The following MAPK8 variants were observed in gnomAD, a reference collection of about 807,000 sequenced individuals.
The protein encoded by MAPK8 is mitogen-activated protein kinase 8.
MAPK8 carries 13 observed loss-of-function variants against 52.9 expected under a neutral mutation model. The ratio of observed to expected loss-of-function variants is 0.25; its 90% CI spans 0.16 to 0.39. MAPK8 has a LOEUF of 0.39. Among genes scored for constraint, MAPK8 ranks in the 10% least tolerant of loss-of-function variants. MAPK8 has a pLI of 1.00. For synonymous variants in MAPK8, 191 were observed against 169.8 expected, an observed-to-expected ratio of 1.12 and a Z score of -0.97; for missense variants, 300 against 519.2, an observed-to-expected ratio of 0.58 and a Z score of 4.10.
rs73293183 is a variant in MAPK8, at chr10:48,328,556, T to A, written c.-50+21735T>A. The stretch of plus-strand genomic sequence containing the variant: ...ATCTTGCCTTAACCTGGGACACTCC[T>A]TTTCTTTAGGAAGTTGGCTTCAGTC... On this transcript the variant is annotated intron_variant, in intron 1 of 11. Coordinates refer to ENST00000374189, the MANE Select transcript of MAPK8 (RefSeq NM_001323329.2). Among the ~76,000 whole-genome samples the A allele has an allele frequency of 4.1e-3, 626 of 152,334 alleles. 6 individuals carry two copies. Among genetic ancestry groups the A allele is most frequent in the East Asian group, 0.017 (90 of 5,186 alleles).
chr10:48,359,513 A>G (rs547351270), intron 1 of MAPK8, among the ~76,000 whole-genome samples: 198 of 152,158 alleles, frequency 1.3e-3, no homozygotes, highest in Non-Finnish European at 2.4e-3. Context: ...GCCCTATCAG[A>G]TATCGATATA....
intron 1 of MAPK8, among the ~76,000 whole-genome samples, chr10:48,375,588 C>T (rs1352653609): frequency 6.6e-6 from 1 of 152,160 alleles, no homozygotes; most frequent in Admixed American, 6.5e-5. Flanking sequence ...TCCTATACAT[C>T]AATAACAGAC....
At chr10:48,426,671 C>A (rs185879201) in intron 9 of MAPK8, 167 bp downstream of exon 9, 1 of 649,536 alleles carries the variant, frequency 1.5e-6, no homozygotes, top group African/African-American at 1.9e-5. Context: ...TGAACATATT[C>A]GAGCCCCTCC....
chr10:48,330,099 G>A (rs530877489), intron 1 of MAPK8, among the ~76,000 whole-genome samples: 1 of 152,190 alleles, frequency 6.6e-6, no homozygotes, highest in South Asian at 2.1e-4. Context: ...TAATTTGTAA[G>A]GATACAAAAA....
intron 1 of MAPK8, among the ~76,000 whole-genome samples, chr10:48,363,170 C>T (rs953112183): frequency 1.3e-5 from 2 of 152,204 alleles, no homozygotes; most frequent in Non-Finnish European, 2.9e-5. Context: ...GCCTCAGCCT[C>T]CTGAGTACTG....
chr10:48,342,114 C>T (rs895540357), intron 1 of MAPK8, among the ~76,000 whole-genome samples: 1 of 152,168 alleles, frequency 6.6e-6, no homozygotes, highest in Non-Finnish European at 1.5e-5. Flanking sequence ...TTCATTCATT[C>T]ATTTATTTAT....
At chr10:48,416,628 A>G (rs907224448) in intron 5 of MAPK8, among the ~76,000 whole-genome samples, 2 of 152,176 alleles carry the variant, frequency 1.3e-5, no homozygotes, top group African/African-American at 2.4e-5. Flanking sequence ...TCCCCTGCCA[A>G]ATACCATAGA....
chr10:48,426,559 A>G, intron 9 of MAPK8, 55 bp downstream of exon 9: 1 of 1,522,916 alleles, frequency 6.6e-7, no homozygotes, highest in Non-Finnish European at 8.9e-7. Context: ...AGTTAGAATG[A>G]CAGTTAGGTT....
intron 1 of MAPK8, among the ~76,000 whole-genome samples, chr10:48,372,817 T>C (rs187124514): frequency 6.6e-6 from 1 of 152,152 alleles, no homozygotes; most frequent in Non-Finnish European, 1.5e-5. Flanking sequence ...TTCAGGATAT[T>C]ATCCAGGAGA....
intron 1 of MAPK8, among the ~76,000 whole-genome samples, chr10:48,368,109 AG>A (rs1358176819): frequency 1.3e-5 from 2 of 152,262 alleles, no homozygotes; most frequent in East Asian, 1.9e-4. Flanking sequence ...GGAAATAAAA[AG>A]TAATTTATCA....
chr10:48,333,792 G>A (rs543302565), intron 1 of MAPK8, among the ~76,000 whole-genome samples: 22 of 138,594 alleles, frequency 1.6e-4, no homozygotes, highest in Non-Finnish European at 1.6e-4. Context: ...GCGGGGGAAC[G>A]TTGGGTCAGC....
At chr10:48,351,272 A>ATTTTTTTTT (rs66660207) in intron 1 of MAPK8, among the ~76,000 whole-genome samples, 1 of 129,536 alleles carries the variant, frequency 7.7e-6, no homozygotes, top group Non-Finnish European at 1.6e-5. Flanking sequence ...ATAACTTTGA[A>ATTTTTTTTT]TTTTTTTTTT....
chr10:48,348,952 A>C (rs1283712911), intron 1 of MAPK8, among the ~76,000 whole-genome samples: 1 of 23,434 alleles, frequency 4.3e-5, no homozygotes, highest in Non-Finnish European at 9.3e-5. Context: ...ATGGAAAGCA[A>C]AAAAAAAAAA....
At chr10:48,375,753 G>A (rs1361593774) in intron 1 of MAPK8, among the ~76,000 whole-genome samples, 1 of 152,062 alleles carries the variant, frequency 6.6e-6, no homozygotes, top group Non-Finnish European at 1.5e-5. Context: ...ACAAACAAAT[G>A]GAAAAACATT....
intron 1 of MAPK8, among the ~76,000 whole-genome samples, chr10:48,356,890 G>A (rs1589052700): frequency 7.5e-5 from 4 of 53,556 alleles, no homozygotes; most frequent in South Asian, 6.2e-4. Flanking sequence ...ATCCAACTAC[G>A]TAGTTTACCA....
intron 1 of MAPK8, among the ~76,000 whole-genome samples, chr10:48,311,488 A>G (rs1163321773): frequency 6.6e-6 from 1 of 152,218 alleles, no homozygotes; most frequent in African/African-American, 2.4e-5. Context: ...GCCTTTTCCC[A>G]CAGGAGAAAA....
intron 1 of MAPK8, among the ~76,000 whole-genome samples, chr10:48,350,864 A>T (rs945543953): frequency 4.6e-5 from 7 of 152,156 alleles, no homozygotes; most frequent in African/African-American, 1.7e-4. Flanking sequence ...ATATTTAGAA[A>T]ACCCCATCGT....
Position 48,324,503 on chromosome 10 carries a change from GTTT to G in MAPK8, c.-50+17697_-50+17699del, listed in dbSNP as rs370766776. On this transcript the variant is annotated intron_variant, in intron 1 of 11. Transcript: ENST00000374189. The stretch of plus-strand genomic sequence containing the variant: ...TATACAACAGTTGTCCTGTTTTCTA[GTTT>G]TTTTTTTTTTTTTTACACTCATGAT... Among the ~76,000 whole-genome samples, 34 of 118,010 alleles carry G rather than the reference GTTT, an allele frequency of 2.9e-4. 2 individuals carry two copies. The highest frequency in any genetic ancestry group is 7.8e-4 in the African/African-American group (22 of 28,112). The allele number at this position is 118,010 out of a possible 152,430, so 77.4% of individuals were successfully genotyped here.
chr10:48,393,964 T>A (rs2041760265), intron 1 of MAPK8, among the ~76,000 whole-genome samples: 1 of 151,650 alleles, frequency 6.6e-6, no homozygotes, highest in Non-Finnish European at 1.5e-5. Context: ...AAGACACAAA[T>A]GAGATTAATA....
Sources: gnomAD v4.1 joint callset for allele counts (sites outside exome capture counted in the v4.1 genomes callset) on GRCh38, gnomAD v4.1.1 for gene constraint, MANE v1.5 for transcripts, NCBI Gene and HGNC (gene_info 2026-07-23, HGNC 2026-07-21) for gene names.